UBR2: variants seen among roughly 807,000 people sequenced by gnomAD.
UBR2 encodes the protein E3 ubiquitin-protein ligase UBR2.
A neutral mutation model predicts 247.9 loss-of-function variants in UBR2; 92 were observed. That is an observed-to-expected ratio of 0.37 (90% CI 0.31 to 0.44). The LOEUF is 0.44. Ranked by LOEUF, UBR2 falls within the 20% of genes least tolerant of loss-of-function variation. UBR2 has a pLI of 1.00. For missense variants in UBR2, 1,613 were observed against 2,112.6 expected (o/e 0.76, Z 4.64); for synonymous variants, 672 against 693.5 (o/e 0.97, Z 0.49).
At chr6:42,612,043 T>C in intron 7 of UBR2, 128 bp from the exon 8 acceptor site, 1 of 781,690 alleles carries the variant, frequency 1.3e-6, no homozygotes, top group East Asian at 3.1e-5. Context: ...ATGGTGTTTT[T>C]CTTACATCCA....
At chr6:42,599,447 A>T (rs895445650) in intron 4 of UBR2, among the ~76,000 whole-genome samples, 3 of 152,140 alleles carry the variant, frequency 2.0e-5, no homozygotes, top group African/African-American at 7.2e-5. Context: ...TTTTAGAAAG[A>T]TAAAAAAAAC....
chr6:42,660,730 G>A (rs951177522), intron 30 of UBR2, among the ~76,000 whole-genome samples: 2 of 152,036 alleles, frequency 1.3e-5, no homozygotes, highest in South Asian at 2.1e-4. Flanking sequence ...GGGAGGCCGA[G>A]GCAGGTGGAT....
intron 7 of UBR2, among the ~76,000 whole-genome samples, chr6:42,608,088 C>A (rs1230161216): frequency 1.3e-5 from 2 of 152,128 alleles, no homozygotes; most frequent in Admixed American, 1.3e-4. Flanking sequence ...GTGACAAATA[C>A]TCCCGTTATG....
intron 9 of UBR2, 88 bp from the exon 10 acceptor site, chr6:42,615,914 A>G (rs1582543439): frequency 9.8e-7 from 1 of 1,022,606 alleles, no homozygotes; most frequent in Non-Finnish European, 1.4e-6. Context: ...AAAACAAAAC[A>G]AAAAAAACCC....
chr6:42,681,043 A>G (rs929003186), intron 42 of UBR2, among the ~76,000 whole-genome samples: 10 of 151,950 alleles, frequency 6.6e-5, no homozygotes, highest in Admixed American at 6.6e-4. Flanking sequence ...GGTGCCTGTA[A>G]TCCCAGCTAC....
At chr6:42,581,003 ATTTTTTTTTTTTT>A (rs58396471) in intron 2 of UBR2, among the ~76,000 whole-genome samples, 1 of 62,600 alleles carries the variant, frequency 1.6e-5, no homozygotes, top group African/African-American at 7.7e-5. Context: ...TGGTTCTAGA[ATTTTTTTTTTTTT>A]TTTTTTTTTT....
intron 38 of UBR2, among the ~76,000 whole-genome samples, chr6:42,675,081 T>C (rs762873760): frequency 1.3e-5 from 2 of 152,190 alleles, no homozygotes; most frequent in Non-Finnish European, 2.9e-5. Context: ...TTAAGTTGGT[T>C]AGTACCTACT....
At chr6:42,669,920 A>G (rs1798332806) in intron 34 of UBR2, among the ~76,000 whole-genome samples, 172 bp from the exon 35 acceptor site, 1 of 152,144 alleles carries the variant, frequency 6.6e-6, no homozygotes, top group Non-Finnish European at 1.5e-5. Flanking sequence ...CAAAGAGTCT[A>G]ACTCCTCTTG....
At chr6:42,606,456 G>T in intron 6 of UBR2, 133 bp from the exon 7 acceptor site, 1 of 712,216 alleles carries the variant, frequency 1.4e-6, no homozygotes, top group Non-Finnish European at 2.3e-6. Flanking sequence ...ACTTATCAAT[G>T]AGTAGGATGA....
rs141016032 is a variant in UBR2, at chr6:42,630,231, C to T, written c.1282-2321C>T. Among the ~76,000 whole-genome samples the T allele has an allele frequency of 8.0e-3, 1,204 of 150,258 alleles. 14 individuals are homozygous for T. The highest frequency in any genetic ancestry group is 0.029 in the African/African-American group (1,169 of 40,778). On this transcript the variant is annotated intron_variant, in intron 11 of 46. Coordinates refer to ENST00000372901, the MANE Select transcript of UBR2 (RefSeq NM_001363705.2). ...AGAGAGTCTTGCTCTGTCGCCTAGG[C>T]TGGAGTGCAATGGCATGATCTCGGT...
chr6:42,659,630 T>G lies in UBR2; in HGVS notation c.3243-26T>G. ...ATATAGAAAGTTTTGGGATCATTAA[T>G]TATATTCATAACCTTTGTATTGCAG... On this transcript the variant is annotated intron_variant, in intron 29 of 46. Coordinates refer to ENST00000372901, the MANE Select transcript of UBR2 (RefSeq NM_001363705.2). This position sits in a 1 kb window ranked among gnomAD's most constrained non-coding sequence, Gnocchi z 4.3. The G allele has an allele frequency of 1.2e-6, 2 of 1,601,448 alleles. No homozygotes were observed. Among genetic ancestry groups the G allele is most frequent in the Non-Finnish European group, 1.7e-6 (2 of 1,172,536 alleles).
Position 42,663,337 on chromosome 6 carries a change from G to A in UBR2, c.3616G>A (p.Gly1206Arg), listed in dbSNP as rs1021948059. The A allele has an allele frequency of 5.6e-6, 9 of 1,613,776 alleles. No individual in the cohort carries two copies. The highest frequency in any genetic ancestry group is 2.2e-5 in the East Asian group (1 of 44,814). Residue 1206 changes from glycine (G) to arginine (R), a missense_variant, in exon 32 of 47, where the codon GGA becomes AGA. Around this residue, in one of 3 missense-constraint regions of UBR2, gnomAD observed 1,524 missense variants for 1,967.3 expected, o/e 0.77. Coordinates refer to ENST00000372901, the MANE Select transcript of UBR2 (RefSeq NM_001363705.2). ...ACATACGAGCTATGATGTAGAAAACGGAGAATTCCTTTGCCCCCTTTGTGA... is the reference window on the plus strand; with the variant it reads ...ACATACGAGCTATGATGTAGAAAACAGAGAATTCCTTTGCCCCCTTTGTGA... ...RLHTSYDVENGEFLCPLCECL... is the reference protein window; with the variant it reads ...RLHTSYDVENREFLCPLCECL...
intron 12 of UBR2, 26 bp from the exon 13 acceptor site, chr6:42,632,779 G>A: frequency 6.3e-7 from 1 of 1,590,064 alleles, no homozygotes; most frequent in Non-Finnish European, 8.5e-7. Flanking sequence ...TATGTTAATT[G>A]CCACTGTCAC....
chr6:42,644,639 C>T lies in UBR2; in HGVS notation c.2284+103C>T. On this transcript the variant is annotated intron_variant, in intron 20 of 46. Transcript: ENST00000372901. ...GTGTTTCCTTTGTTTTGAGAGGATG[C>T]TCAGTCTTAGGGGAAGAGAATTGGA... The T allele has an allele frequency of 5.3e-6, 5 of 942,280 alleles. No individual in the cohort carries two copies. The South Asian group carries it at 7.4e-5, about 14-fold the overall frequency. The allele number at this position is 942,280 out of a possible 1,614,324, so 58.4% of individuals were successfully genotyped here. A position where few individuals can be genotyped will look rare whatever the true frequency, so the allele number is the denominator to read the frequency against.
chr6:42,657,255 T>A (rs1279732480), intron 26 of UBR2, among the ~76,000 whole-genome samples: 2 of 146,776 alleles, frequency 1.4e-5, no homozygotes, highest in South Asian at 2.1e-4. Flanking sequence ...AAAAAAAAAA[T>A]TAGGTTCTCT....
At chr6:42,672,193 C>T (rs1798482776) in intron 36 of UBR2, among the ~76,000 whole-genome samples, 1 of 152,088 alleles carries the variant, frequency 6.6e-6, no homozygotes, top group African/African-American at 2.4e-5. Context: ...CCACCGTGCC[C>T]AGCTAATTTT....
intron 32 of UBR2, among the ~76,000 whole-genome samples, chr6:42,663,995 C>CA (rs1468529353): frequency 6.6e-6 from 1 of 152,012 alleles, no homozygotes; most frequent in Non-Finnish European, 1.5e-5. Context: ...CCTGTCTGTA[C>CA]AAAAAATAAA....
chr6:42,684,828 C>T lies in UBR2; in HGVS notation c.4810C>T (p.Pro1604Ser). The T allele has an allele frequency of 6.2e-7, 1 of 1,611,600 alleles. No individual in the cohort carries two copies. The highest frequency in any genetic ancestry group is 1.3e-5 in the African/African-American group (1 of 74,890). Reference protein sequence around the residue: ...PRESNKLINLPEDYSSLINQA... With the variant: ...PRESNKLINLSEDYSSLINQA... The stretch of plus-strand genomic sequence containing the variant: ...AGAATCTAACAAATTAATAAACCTT[C>T]CAGAGGATTACAGCAGCCTCATTAA... The change falls in exon 44 of 47, where the codon CCA becomes TCA. Residue 1604 changes from proline to serine, a missense_variant. Coordinates refer to ENST00000372901, the MANE Select transcript of UBR2 (RefSeq NM_001363705.2).
At chr6:42,660,953 C>T (rs898184818) in intron 30 of UBR2, among the ~76,000 whole-genome samples, 3 of 147,152 alleles carry the variant, frequency 2.0e-5, no homozygotes, top group Admixed American at 6.9e-5. Context: ...GGCAACGGAG[C>T]GAGACCCTGT....
Sources: gnomAD v4.1 joint callset for allele counts (sites outside exome capture counted in the v4.1 genomes callset) on GRCh38, gnomAD v4.1.1 for gene constraint, gnomAD v4.1.1 regional missense constraint, Gnocchi (gnomAD v3.1) non-coding constraint, MANE v1.5 for transcripts, NCBI Gene and HGNC (gene_info 2026-07-23, HGNC 2026-07-21) for gene names.